The following RBM47 variants were observed in gnomAD, a reference collection of about 807,000 sequenced individuals.
The protein encoded by RBM47 is RNA-binding protein 47.
A neutral mutation model predicts 47.1 loss-of-function variants in RBM47; 21 were observed. The ratio of observed to expected loss-of-function variants is 0.45; its 90% confidence interval spans 0.32 to 0.64. The LOEUF (loss-of-function observed/expected upper bound fraction) is 0.64, where lower values mean the gene tolerates loss of function less well. RBM47 is among the 30% of genes least tolerant of loss of function. The pLI, the probability that RBM47 is intolerant of heterozygous loss-of-function variation, is 0.05. For missense variants in RBM47, 708 were observed against 870.9 expected, an observed-to-expected ratio of 0.81 and a Z score of 2.35; for synonymous variants, 375 against 361.7, an observed-to-expected ratio of 1.04 and a Z score of -0.42.
At chr4:40,542,765 G>A (rs1408041416) in intron 2 of RBM47, 1 of 152,176 alleles carries the variant, frequency 6.6e-6, no homozygotes, top group Non-Finnish European at 1.5e-5. Flanking sequence ...TTGAACTCCT[G>A]AGCTCAAGTG....
intron 2 of RBM47, chr4:40,542,530 G>A (rs1728651057): frequency 6.6e-6 from 1 of 152,106 alleles, no homozygotes; most frequent in Non-Finnish European, 1.5e-5. Context: ...TTTCGAGATA[G>A]GGTCTTGCTC....
chr4:40,502,496 G>A (rs1723506183), intron 2 of RBM47, among the ~76,000 whole-genome samples: 1 of 152,154 alleles, frequency 6.6e-6, no homozygotes, highest in Non-Finnish European at 1.5e-5. Flanking sequence ...AGGTGAGGAA[G>A]AGAGGCCAAT....
At chr4:40,596,915 T>C (rs1033605876) in intron 1 of RBM47, among the ~76,000 whole-genome samples, 1 of 152,178 alleles carries the variant, frequency 6.6e-6, no homozygotes, top group Non-Finnish European at 1.5e-5. Context: ...TACCTTTCAG[T>C]AGGTCAGAAA....
intron 1 of RBM47, among the ~76,000 whole-genome samples, chr4:40,564,353 G>C (rs566012277): frequency 2.0e-5 from 3 of 152,320 alleles, no homozygotes; most frequent in Admixed American, 1.3e-4. Flanking sequence ...TGCCAGTCTG[G>C]ATCTCCAAAT....
chr4:40,497,587 C>A (rs1722780747), intron 2 of RBM47, among the ~76,000 whole-genome samples: 1 of 151,726 alleles, frequency 6.6e-6, no homozygotes, highest in African/African-American at 2.4e-5. Flanking sequence ...AGGGTGAGAT[C>A]CTATCTCAAA....
chr4:40,592,694 G>A (rs939539505), intron 1 of RBM47, among the ~76,000 whole-genome samples: 20 of 151,050 alleles, frequency 1.3e-4, no homozygotes, highest in African/African-American at 3.4e-4. Context: ...AAAGTGCTGG[G>A]ATTACAGGCA....
At chr4:40,550,794 G>A (rs902827433) in intron 1 of RBM47, among the ~76,000 whole-genome samples, 3 of 152,014 alleles carry the variant, frequency 2.0e-5, no homozygotes, top group African/African-American at 7.2e-5. Context: ...AAGGGGAAAT[G>A]GGTATTTATA....
In RBM47 at chr4:40,437,110, T is replaced by TATAA. The variant is rs1434102827; in HGVS notation, c.1124-464_1124-463insTTAT. ...AAAAAAATATATATATATATATATA[T>TATAA]AAAATACATATATATATATATAAAA... On this transcript the variant is annotated intron_variant, in intron 4 of 6. Transcript: ENST00000295971. 6.5e-3 allele frequency among the ~76,000 whole-genome samples: 389 copies of TATAA among 59,608 alleles called. 25 individuals carry two copies. The highest frequency in any genetic ancestry group is 8.5e-3 in the Non-Finnish European group (295 of 34,818). The allele number at this position is 59,608 out of a possible 152,430, so 39.1% of individuals were successfully genotyped here.
chr4:40,511,954 G>C (rs1023185879), intron 2 of RBM47, among the ~76,000 whole-genome samples: 6 of 149,894 alleles, frequency 4.0e-5, no homozygotes, highest in Non-Finnish European at 8.9e-5. Context: ...AAAAAGAAAA[G>C]AAAAAAGAAA....
At chr4:40,570,989 G>A (rs1731649425) in intron 1 of RBM47, among the ~76,000 whole-genome samples, 1 of 152,046 alleles carries the variant, frequency 6.6e-6, no homozygotes, top group Admixed American at 6.5e-5. Context: ...GCAAAGGCAG[G>A]TGGATCACCT....
At chr4:40,553,125 G>A (rs1358765432) in intron 1 of RBM47, among the ~76,000 whole-genome samples, 3 of 145,088 alleles carry the variant, frequency 2.1e-5, no homozygotes, top group African/African-American at 7.7e-5. Flanking sequence ...GCGCCACCAC[G>A]CCCCACCTCT....
chr4:40,435,978 G>A (rs1712274863), intron 5 of RBM47, among the ~76,000 whole-genome samples: 1 of 117,178 alleles, frequency 8.5e-6, no homozygotes, highest in African/African-American at 3.2e-5. Context: ...CTAACACGGT[G>A]AAACCCCATC....
chr4:40,573,779 AAG>A (rs768768725), intron 1 of RBM47, among the ~76,000 whole-genome samples: 2 of 122,534 alleles, frequency 1.6e-5, no homozygotes, highest in African/African-American at 7.5e-5. Flanking sequence ...GAAAGAAAGA[AAG>A]AAAGAGAGAG....
intron 3 of RBM47, among the ~76,000 whole-genome samples, chr4:40,457,040 CTT>C (rs1716377980): frequency 6.6e-6 from 1 of 152,182 alleles, no homozygotes; most frequent in Non-Finnish European, 1.5e-5. Context: ...AATTTAACTT[CTT>C]TTTGGCAGTA....
rs528675566 is a variant in RBM47, at chr4:40,568,853, T to C, written c.-239-24347A>G. Among the ~76,000 whole-genome samples, 49 of 151,894 alleles carry C rather than the reference T, an allele frequency of 3.2e-4. 1 individual carries two copies. The highest frequency in any genetic ancestry group is 3.4e-3 in the Middle Eastern group (1 of 294). Reference sequence around the variant, plus strand: ...AAAATTAACTGGGCGTGCTGATGGGTGCCTGTAGTCCCAGCTACTCGGGAG... The same window carrying C: ...AAAATTAACTGGGCGTGCTGATGGGCGCCTGTAGTCCCAGCTACTCGGGAG... On this transcript the variant is annotated intron_variant, in intron 1 of 6. Transcript: ENST00000295971.
At chr4:40,490,808 A>C (rs967764840) in intron 2 of RBM47, among the ~76,000 whole-genome samples, 1 of 152,096 alleles carries the variant, frequency 6.6e-6, no homozygotes, top group Admixed American at 6.6e-5. Context: ...CATGAATAGA[A>C]GACTGAACGC....
chr4:40,468,023 T>C (rs1718309967), intron 2 of RBM47, among the ~76,000 whole-genome samples: 1 of 152,156 alleles, frequency 6.6e-6, no homozygotes, highest in Non-Finnish European at 1.5e-5. Context: ...TGGTGGCTCA[T>C]GCCTGTAATC....
At chr4:40,499,446 G>A (rs944374137) in intron 2 of RBM47, among the ~76,000 whole-genome samples, 1 of 152,172 alleles carries the variant, frequency 6.6e-6, no homozygotes, top group South Asian at 2.1e-4. Context: ...GTCTTGCTCT[G>A]TCGCCCAGGC....
At chr4:40,497,453 T>C (rs1722761269) in intron 2 of RBM47, among the ~76,000 whole-genome samples, 2 of 149,184 alleles carry the variant, frequency 1.3e-5, no homozygotes, top group South Asian at 4.3e-4. Flanking sequence ...CCCCCTTCTC[T>C]TCAAAAAATT....
Sources: gnomAD v4.1 joint callset for allele counts (sites outside exome capture counted in the v4.1 genomes callset) on GRCh38, gnomAD v4.1.1 for gene constraint, MANE v1.5 for transcripts, NCBI Gene and HGNC (gene_info 2026-07-23, HGNC 2026-07-21) for gene names.